KSR2: variants seen among roughly 807,000 people sequenced by gnomAD.
KSR2 encodes kinase suppressor of ras 2.
KSR2 carries 25 observed loss-of-function variants against 107.8 expected under a neutral mutation model. The ratio of observed to expected loss-of-function variants is 0.23; its 90% CI spans 0.17 to 0.32. KSR2 has a LOEUF of 0.32. Among genes scored for constraint, KSR2 ranks in the 10% least tolerant of loss-of-function variants. The pLI is 1.00. For synonymous variants in KSR2, 480 were observed against 507.0 expected (o/e 0.95, Z 0.71); for missense variants, 887 against 1,268.9 (o/e 0.70, Z 4.57).
chr12:117,604,717 T>C (rs1247153580), intron 5 of KSR2, among the ~76,000 whole-genome samples: 1 of 152,178 alleles, frequency 6.6e-6, no homozygotes, highest in Admixed American at 6.5e-5. Context: ...TTTTATATAA[T>C]ATATAAAAAT....
chr12:117,702,007 C>T (rs637368), intron 4 of KSR2, among the ~76,000 whole-genome samples: 38,689 of 152,162 alleles, frequency 0.25, 6,178 homozygotes, highest in South Asian at 0.35. Context: ...CCAAGGCTGC[C>T]ATGTGATCTG....
chr12:117,855,546 G>T lies in KSR2; in HGVS notation c.354C>A (p.Asp118Glu), dbSNP rs1323038909. The stretch of plus-strand genomic sequence containing the variant: ...CCTGTTCATCCGTCATCTCCAAGAG[G>T]TCCTCCAGGCTCAGCTGGCCGGGGG... ...EISPGQLSLE[D>E]LLEMTDEQVC... Residue 118 changes from aspartate to glutamate, a missense_variant, in exon 3 of 20, where the codon GAC becomes GAA. Asp to Glu is a conservative substitution (Grantham distance 45). Coordinates refer to ENST00000339824, the MANE Select transcript of KSR2 (RefSeq NM_173598.6). The T allele has an allele frequency of 6.2e-7, 1 of 1,614,016 alleles. No homozygotes were observed. Among genetic ancestry groups the T allele is most frequent in the South Asian group, 1.1e-5 (1 of 91,086 alleles).
rs1033307231 is a variant in KSR2, at chr12:117,761,298, C to T, written c.699G>A (p.Pro233=). 5.3e-6 allele frequency: 8 copies of T among 1,520,526 alleles called. No individual in the cohort carries two copies. The highest frequency in any genetic ancestry group is 7.0e-6 in the Non-Finnish European group (8 of 1,138,040). The allele number at this position is 1,520,526 out of a possible 1,614,324, so 94.2% of individuals were successfully genotyped here. A position where few individuals can be genotyped will look rare whatever the true frequency, so the allele number is the denominator to read the frequency against. The change falls in exon 4 of 20, where the codon CCG becomes CCA. Residue 233 remains proline, a synonymous_variant. Transcript: ENST00000339824. The stretch of plus-strand genomic sequence containing the variant: ...CCAGTGGCGGGGGCGGGCACAAGCC[C>T]GGGTAGGCGTCCACGGTAAGCCTGT... ...HVDRLTVDAY[P]GLCPPPPLES...
intron 5 of KSR2, among the ~76,000 whole-genome samples, chr12:117,647,850 G>A (rs1286329139): frequency 6.6e-6 from 1 of 152,082 alleles, no homozygotes; most frequent in Non-Finnish European, 1.5e-5. Context: ...GACAACAGGT[G>A]CACACCACCA....
intron 7 of KSR2, among the ~76,000 whole-genome samples, chr12:117,565,356 C>G (rs1878415531): frequency 6.6e-6 from 1 of 152,164 alleles, no homozygotes; most frequent in African/African-American, 2.4e-5. Context: ...TTCCAGAGTG[C>G]ACATGGAACA....
At chr12:117,556,991 C>G (rs898053162) in intron 8 of KSR2, among the ~76,000 whole-genome samples, 1 of 152,002 alleles carries the variant, frequency 6.6e-6, no homozygotes, top group Non-Finnish European at 1.5e-5. Flanking sequence ...ATGGTGAAAC[C>G]CTGTCTCTAT....
chr12:117,841,961 C>G (rs1892500549), intron 3 of KSR2, among the ~76,000 whole-genome samples: 1 of 152,270 alleles, frequency 6.6e-6, no homozygotes, highest in African/African-American at 2.4e-5. Context: ...CACTAGCATT[C>G]ACTCAGTCAC....
At chr12:117,924,564 C>T (rs1468200988) in intron 1 of KSR2, among the ~76,000 whole-genome samples, 1 of 111,352 alleles carries the variant, frequency 9.0e-6, no homozygotes, top group Non-Finnish European at 1.7e-5. Context: ...AAGAGTGAAG[C>T]TCCATCTCAA....
chr12:117,577,296 G>C (rs187509902), intron 7 of KSR2, among the ~76,000 whole-genome samples: 82 of 152,232 alleles, frequency 5.4e-4, no homozygotes, highest in East Asian at 3.9e-4. Context: ...ACATAAAGTT[G>C]ACTGTTACTA....
At chr12:117,596,139 T>C (rs940544803) in intron 5 of KSR2, among the ~76,000 whole-genome samples, 1 of 151,320 alleles carries the variant, frequency 6.6e-6, no homozygotes, top group African/African-American at 2.4e-5. Context: ...AAAAAGAGGT[T>C]TGATGGAATC....
Position 117,950,709 on chromosome 12 carries a change from C to T in KSR2, c.180+17367G>A, listed in dbSNP as rs1896333958. Reference sequence around the variant, plus strand: ...TGAGCCAAGATCGCACCACTGCATCCTAGCCTGGGTGACAGAGCAAGACTC... The same window carrying T: ...TGAGCCAAGATCGCACCACTGCATCTTAGCCTGGGTGACAGAGCAAGACTC... On this transcript the variant is annotated intron_variant, in intron 1 of 19. Coordinates refer to ENST00000339824, the MANE Select transcript of KSR2 (RefSeq NM_173598.6). 2.7e-5 allele frequency among the ~76,000 whole-genome samples: 4 copies of T among 146,320 alleles called. No individual in the cohort carries two copies. In the South Asian group the frequency reaches 8.7e-4, roughly 32 times the overall value.
intron 5 of KSR2, among the ~76,000 whole-genome samples, chr12:117,606,430 TCCC>T: frequency 1.3e-5 from 1 of 79,292 alleles, no homozygotes; most frequent in Non-Finnish European, 2.4e-5. Context: ...CCCTCCTTCC[TCCC>T]TCCCTCCCCT....
intron 4 of KSR2, among the ~76,000 whole-genome samples, chr12:117,743,372 C>A (rs1888292551): frequency 6.6e-6 from 1 of 152,240 alleles, no homozygotes; most frequent in Non-Finnish European, 1.5e-5. Flanking sequence ...GCTTAATGTG[C>A]TCCTGGAGGG....
Position 117,860,314 on chromosome 12 carries a change from C to T in KSR2, c.298G>A (p.Asp100Asn), listed in dbSNP as rs1893248036. 1.9e-6 allele frequency: 3 copies of T among 1,613,590 alleles called. No homozygotes were observed. Among genetic ancestry groups the T allele is most frequent in the Non-Finnish European group, 2.5e-6 (3 of 1,179,592 alleles). The part of the protein sequence containing the change: ...PQLRHWFRIV[D>N]VRKEVLEEIS... ...ACCTCCAGGACCTCCTTGCGCACATCGACGATTCGGAACCAGTGCCGTAGC... is the reference window on the plus strand; with the variant it reads ...ACCTCCAGGACCTCCTTGCGCACATTGACGATTCGGAACCAGTGCCGTAGC... Residue 100 changes from aspartate to asparagine, a missense_variant, in exon 2 of 20, where the codon GAT becomes AAT. By Grantham distance (23) the Asp-to-Asn change is conservative (BLOSUM62 1). Transcript: ENST00000339824.
intron 3 of KSR2, among the ~76,000 whole-genome samples, chr12:117,832,953 C>T (rs1892037063): frequency 6.6e-6 from 1 of 152,216 alleles, no homozygotes; most frequent in South Asian, 2.1e-4. Context: ...ATGACCCTGG[C>T]CAAGTGGCTT....
intron 3 of KSR2, among the ~76,000 whole-genome samples, chr12:117,825,174 C>A (rs1891696686): frequency 6.6e-6 from 1 of 152,138 alleles, no homozygotes; most frequent in South Asian, 2.1e-4. Context: ...AGCAAGACTC[C>A]ATCTCAAAAC....
intron 4 of KSR2, among the ~76,000 whole-genome samples, chr12:117,713,980 A>C (rs533835596): frequency 6.6e-6 from 1 of 152,082 alleles, no homozygotes; most frequent in Admixed American, 6.5e-5. Flanking sequence ...TATTCCCCCA[A>C]ATTATATTTC....
At chr12:117,635,854 C>T (rs928085255) in intron 5 of KSR2, among the ~76,000 whole-genome samples, 4 of 150,698 alleles carry the variant, frequency 2.7e-5, no homozygotes, top group Non-Finnish European at 4.4e-5. Flanking sequence ...TGCAGTGGCG[C>T]GATCTCAGCT....
At chr12:117,947,249 G>GAAAGAAAA (rs1896225770) in intron 1 of KSR2, among the ~76,000 whole-genome samples, 2 of 124,182 alleles carry the variant, frequency 1.6e-5, no homozygotes, top group South Asian at 5.5e-4. Context: ...AAGAAAGAAA[G>GAAAGAAAA]AAAGAAAGAA....
Sources: gnomAD v4.1 joint callset for allele counts (sites outside exome capture counted in the v4.1 genomes callset) on GRCh38, gnomAD v4.1.1 for gene constraint, MANE v1.5 for transcripts, NCBI Gene and HGNC (gene_info 2026-07-23, HGNC 2026-07-21) for gene names.